The following C18orf54 variants were observed in gnomAD, a reference collection of about 807,000 sequenced individuals.
The protein encoded by C18orf54 is chromosome 18 open reading frame 54, also known as lung adenoma susceptibility protein 2.
C18orf54 carries 49 observed loss-of-function variants against 49.3 expected under a neutral mutation model. That is an observed-to-expected ratio of 0.99 (90% CI 0.79 to 1.26). The LOEUF (loss-of-function observed/expected upper bound fraction) is 1.26. C18orf54 is among the 50% of genes most tolerant of loss of function. The pLI is 0.00. For missense variants in C18orf54, 687 were observed against 620.6 expected (o/e 1.11, Z -1.14); for synonymous variants, 211 against 216.6 (o/e 0.97, Z 0.23).
chr18:54,361,977 T>C lies in C18orf54; in HGVS notation c.618T>C (p.Asn206=), dbSNP rs143972273. ...CGRLKNPKLM[N]RTNNCISESS... is the part of the protein sequence containing the mutation. Reference sequence around the variant, plus strand: ...GGCTGAAAAACCCAAAACTTATGAATAGGACTAATAATTGCATTTCTGAAT... The same window carrying C: ...GGCTGAAAAACCCAAAACTTATGAACAGGACTAATAATTGCATTTCTGAAT... Residue 206 remains asparagine (N), a synonymous_variant, in exon 4 of 9, where the codon AAT becomes AAC. Transcript: ENST00000620105. 13,545 of 1,613,672 alleles carry C rather than the reference T, an allele frequency of 8.4e-3. 132 individuals are homozygous for C. The highest frequency in any genetic ancestry group is 0.056 in the Middle Eastern group (338 of 6,060).
At position 54,379,285 on chromosome 18, in the gene C18orf54, C is replaced by T. The variant is rs987121479; in HGVS notation, c.*1039C>T. ...GTCATAAAACATAACTAATACAGCA[C>T]ATTACTGCCTGACAAAATTAAAGAG... On this transcript the variant is annotated 3_prime_UTR_variant, in exon 9 of 9. Transcript: ENST00000620105. 3 of 152,060 alleles carry T rather than the reference C, an allele frequency of 2.0e-5. No homozygotes were observed. The highest frequency in any genetic ancestry group is 4.4e-5 in the Non-Finnish European group (3 of 67,960). 9.4% of individuals were successfully genotyped at this position (152,060 alleles called of 1,614,324 possible).
At position 54,360,728 on chromosome 18, in the gene C18orf54, A is replaced by G. The variant is rs776696364; in HGVS notation, c.156A>G (p.Leu52=). ...DKLYRSASQA[L]QAYIDDFDLG... Reference sequence around the variant, plus strand: ...TGTACAGATCTGCTTCTCAAGCTCTACAGGCTTATATTGATGATTTTGATC... The same window carrying G: ...TGTACAGATCTGCTTCTCAAGCTCTGCAGGCTTATATTGATGATTTTGATC... The change falls in exon 3 of 9, where the codon CTA becomes CTG. Residue 52 remains leucine, a synonymous_variant. Coordinates refer to ENST00000620105, the MANE Select transcript of C18orf54 (RefSeq NM_001288980.2). 3 of 1,613,984 alleles carry G rather than the reference A, an allele frequency of 1.9e-6. No homozygotes were observed. The highest frequency in any genetic ancestry group is 1.7e-5 in the Admixed American group (1 of 60,010).
At chr18:54,369,499 T>C (rs1438828335) in intron 6 of C18orf54, among the ~76,000 whole-genome samples, 1 of 134,764 alleles carries the variant, frequency 7.4e-6, no homozygotes, top group Non-Finnish European at 1.6e-5. Flanking sequence ...GGAGACAGTC[T>C]TACTCTGTCT....
chr18:54,363,558 C>T (rs183537831), intron 5 of C18orf54, among the ~76,000 whole-genome samples: 2 of 152,076 alleles, frequency 1.3e-5, no homozygotes, highest in Admixed American at 6.5e-5. Context: ...CCTCGTGATC[C>T]GCCCGCCTCT....
intron 6 of C18orf54, among the ~76,000 whole-genome samples, chr18:54,366,381 T>C (rs994008514): frequency 3.0e-4 from 46 of 152,020 alleles, no homozygotes; most frequent in Admixed American, 2.9e-3. Flanking sequence ...AGAACTATGA[T>C]ATTTATCTTT....
intron 2 of C18orf54, among the ~76,000 whole-genome samples, chr18:54,359,398 C>T (rs1292180855): frequency 2.6e-5 from 4 of 152,154 alleles, no homozygotes; most frequent in Non-Finnish European, 5.9e-5. Context: ...CAACTGTTAC[C>T]TTATGTTCTG....
intron 3 of C18orf54, among the ~76,000 whole-genome samples, 178 bp downstream of exon 3, chr18:54,361,033 C>T (rs975689619): frequency 6.6e-6 from 1 of 152,074 alleles, no homozygotes; most frequent in African/African-American, 2.4e-5. Context: ...CAGTAATATT[C>T]ACAAGATGTT....
At position 54,362,015 on chromosome 18, in the gene C18orf54, T is replaced by C. The variant is rs1053250746; in HGVS notation, c.656T>C (p.Phe219Ser). 1 of 1,605,058 alleles carries C rather than the reference T, an allele frequency of 6.2e-7. No individual in the cohort carries two copies. Among genetic ancestry groups the C allele is most frequent in the Non-Finnish European group, 8.5e-7 (1 of 1,175,420 alleles). The change falls in exon 4 of 9, where the codon TTT (phenylalanine) becomes TCT (serine). Residue 219 changes from phenylalanine (F) to serine (S), a missense_variant. By Grantham distance (155) the Phe-to-Ser change is radical (BLOSUM62 -2). Transcript: ENST00000620105. Reference protein sequence around the residue: ...NNCISESSLSFPKKSSFKDSS... With the variant: ...NNCISESSLSSPKKSSFKDSS... ...TGCATTTCTGAATCATCTTTGTCTTTTCCCAAGAAATCGTCTTTCAAGGAC... is the reference window on the plus strand; with the variant it reads ...TGCATTTCTGAATCATCTTTGTCTTCTCCCAAGAAATCGTCTTTCAAGGAC...
rs117213047 is a variant in C18orf54 at position 54,358,540 on chromosome 18, G to A, written c.-143-234G>A. 6.5e-3 allele frequency: 995 copies of A among 152,428 alleles called. 5 individuals carry two copies. The highest frequency in any genetic ancestry group is 0.022 in the South Asian group (106 of 4,834). 9.4% of individuals were successfully genotyped at this position (152,428 alleles called of 1,614,324 possible). On this transcript the variant is annotated intron_variant, in intron 1 of 8. Coordinates refer to ENST00000620105, the MANE Select transcript of C18orf54 (RefSeq NM_001288980.2). ...CCAAAGGGAGGGTGTCGCCTGATTGGGACTGGAAAAATTGGAATTCAGGGC... is the reference window on the plus strand; with the variant it reads ...CCAAAGGGAGGGTGTCGCCTGATTGAGACTGGAAAAATTGGAATTCAGGGC...
At chr18:54,378,139 C>T in intron 8 of C18orf54, 35 bp from the exon 9 acceptor site, 3 of 1,530,474 alleles carry the variant, frequency 2.0e-6, no homozygotes, top group Non-Finnish European at 1.8e-6. Context: ...TTCTTAATAA[C>T]TGGTTTATAA....
Position 54,362,884 on chromosome 18 carries a change from G to A in C18orf54, c.1186G>A (p.Glu396Lys). ...CAGTCCTTGCTCATTAGATAAACTT[G>A]AAGCAGACAGATCATGGGAAAATAT... is the stretch of plus-strand genomic sequence containing the variant. ...DDSPCSLDKL[E>K]ADRSWENIPV... The change falls in exon 5 of 9, where the codon GAA becomes AAA. Residue 396 changes from glutamate (E) to lysine (K), a missense_variant. Glu to Lys is a moderately conservative substitution (Grantham distance 56). Coordinates refer to ENST00000620105, the MANE Select transcript of C18orf54 (RefSeq NM_001288980.2). 6.2e-7 allele frequency: 1 copy of A among 1,610,152 alleles called. No homozygotes were observed. Among genetic ancestry groups the A allele is most frequent in the Non-Finnish European group, 8.5e-7 (1 of 1,179,284 alleles).
At position 54,374,430 on chromosome 18, in the gene C18orf54, A is replaced by G. The variant is rs149201139; in HGVS notation, c.1529+146A>G. 1.1e-4 allele frequency: 93 copies of G among 839,054 alleles called. No individual in the cohort carries two copies. The East Asian group carries it at 2.6e-3, about 24-fold the overall frequency. 52.0% of individuals were successfully genotyped at this position (839,054 alleles called of 1,614,324 possible). On this transcript the variant is annotated intron_variant, in intron 8 of 8. Coordinates refer to ENST00000620105, the MANE Select transcript of C18orf54 (RefSeq NM_001288980.2). The stretch of plus-strand genomic sequence containing the variant: ...TTGGAGCACACTGTTTACACTAAAA[A>G]ACATTGTTTTCTTTTAAACTTGTGC...
intron 6 of C18orf54, among the ~76,000 whole-genome samples, chr18:54,371,917 T>A (rs562701048): frequency 6.6e-6 from 1 of 152,188 alleles, no homozygotes; most frequent in Admixed American, 6.5e-5. Context: ...ATCCTGACCA[T>A]CTTATGTGTC....
At chr18:54,367,876 T>A (rs1440850896) in intron 6 of C18orf54, among the ~76,000 whole-genome samples, 1 of 152,140 alleles carries the variant, frequency 6.6e-6, no homozygotes, top group African/African-American at 2.4e-5. Context: ...TCTTGTAGGC[T>A]TTCTTTACTC....
chr18:54,359,578 T>C (rs1026030208), intron 2 of C18orf54, among the ~76,000 whole-genome samples: 7 of 152,212 alleles, frequency 4.6e-5, no homozygotes, highest in Non-Finnish European at 8.8e-5. Context: ...AACAAATATT[T>C]CTAAAATTAT....
intron 6 of C18orf54, 92 bp downstream of exon 6, chr18:54,365,913 A>G: frequency 3.6e-6 from 2 of 549,894 alleles, no homozygotes. Context: ...ATTTAAAGCA[A>G]AAAAGACTCA....
At chr18:54,360,249 C>T (rs1411816356) in intron 2 of C18orf54, among the ~76,000 whole-genome samples, 1 of 152,134 alleles carries the variant, frequency 6.6e-6, no homozygotes, top group African/African-American at 2.4e-5. Flanking sequence ...GAAGTGAGTA[C>T]TCTCTCCTTG....
At chr18:54,376,874 T>C (rs1184476434) in intron 8 of C18orf54, among the ~76,000 whole-genome samples, 2 of 152,168 alleles carry the variant, frequency 1.3e-5, no homozygotes, top group African/African-American at 4.8e-5. Flanking sequence ...TTGTCCTGGG[T>C]AAAGTGGAAG....
chr18:54,381,059 C>G lies in C18orf54; in HGVS notation c.*2813C>G, dbSNP rs1019933019. ...AGATGTATAAATTGGATATTTCATG[C>G]CTAATTAAATGTTGCGTTGGATTGC... On this transcript the variant is annotated 3_prime_UTR_variant, in exon 9 of 9. Coordinates refer to ENST00000620105, the MANE Select transcript of C18orf54 (RefSeq NM_001288980.2). 6.6e-6 allele frequency: 1 copy of G among 152,026 alleles called. No homozygotes were observed. Among genetic ancestry groups the G allele is most frequent in the African/African-American group, 2.4e-5 (1 of 41,388 alleles). 9.4% of individuals were successfully genotyped at this position (152,026 alleles called of 1,614,324 possible).
Sources: allele counts gnomAD v4.1 joint callset (sites outside exome capture counted in the v4.1 genomes callset), GRCh38; gene constraint gnomAD v4.1.1; transcripts MANE v1.5; gene names NCBI Gene and HGNC (gene_info 2026-07-23, HGNC 2026-07-21).